Variants in ATG16L2 observed in about 807,000 individuals in gnomAD.
ATG16L2 encodes the protein protein Atg16l2.
In ATG16L2, 77 loss-of-function variants were observed where a neutral mutation model predicts 84.7. The ratio of observed to expected loss-of-function variants is 0.91; its 90% CI spans 0.76 to 1.10. The LOEUF is 1.10. Ranked by LOEUF, ATG16L2 falls within the 50% of genes least tolerant of loss-of-function variation. ATG16L2 has a pLI of 0.00. For synonymous variants in ATG16L2, 361 were observed against 342.8 expected (o/e 1.05, Z -0.59); for missense variants, 782 against 817.6 (o/e 0.96, Z 0.53).
At chr11:72,842,684 C>T (rs1860999850) in exon 6 of ATG16L2, 2 of 1,613,970 alleles carry the variant, frequency 1.2e-6, no homozygotes, top group Non-Finnish European at 1.7e-6. Context: ...CCACTAGCAC[C>T]GATGGGAAAA....
At chr11:72,843,688 G>A (rs1208002670), downstream of ATG16L2, 2 of 608,044 alleles carry the variant, frequency 3.3e-6, no homozygotes, top group Non-Finnish European at 5.8e-6. Context: ...TCATAATGAG[G>A]TGAAGTTTTA....
intron 5 of ATG16L2, chr11:72,838,517 G>A: frequency 4.0e-6 from 2 of 498,896 alleles, no homozygotes; most frequent in Non-Finnish European, 7.3e-6. Flanking sequence ...ACAGACCACT[G>A]TTAGGCATGA....
intron 14 of ATG16L2, 85 bp downstream of exon 14, chr11:72,827,378 G>C (rs1291474334): frequency 8.4e-7 from 1 of 1,189,464 alleles, no homozygotes; most frequent in African/African-American, 1.5e-5. Flanking sequence ...GCCATGGCAG[G>C]AGGAGTCTTG....
intron 1 of ATG16L2, among the ~76,000 whole-genome samples, chr11:72,815,441 T>A (rs769970369): frequency 6.6e-6 from 1 of 152,144 alleles, no homozygotes; most frequent in Non-Finnish European, 1.5e-5. Context: ...GCAGCCACAC[T>A]TCTCCACTGC....
chr11:72,824,003 G>A, intron 7 of ATG16L2, 57 bp from the exon 8 acceptor site: 2 of 1,591,884 alleles, frequency 1.3e-6, no homozygotes, highest in East Asian at 2.2e-5. Context: ...ATGATGGACA[G>A]CCATTTGTAC....
In ATG16L2 at chr11:72,822,423, C is replaced by G; in HGVS notation, c.645-55C>G. 1 of 1,610,408 alleles carries G rather than the reference C, an allele frequency of 6.2e-7. No homozygotes were observed. The highest frequency in any genetic ancestry group is 8.5e-7 in the Non-Finnish European group (1 of 1,178,222). ...CTGGAGGAAGGGACCGGGTCTAGCC[C>G]CGCCTGCGTGCGAGGCGCCGCGCCA... On this transcript the variant is annotated intron_variant, in intron 5 of 17. Transcript: ENST00000321297. The surrounding 1 kb of genome is among the most constrained non-coding windows in gnomAD (Gnocchi z 4.2).
chr11:72,829,651 T>A (rs570389066), downstream of ATG16L2: 1 of 1,266,272 alleles, frequency 7.9e-7, no homozygotes, highest in South Asian at 2.0e-5. Flanking sequence ...TCTGCCTACC[T>A]CTTTGCAGCA....
downstream of ATG16L2, among the ~76,000 whole-genome samples, chr11:72,830,750 AC>A (rs1860588926): frequency 6.6e-6 from 1 of 151,768 alleles, no homozygotes; most frequent in African/African-American, 2.4e-5. Context: ...TTTGGATGTG[AC>A]CCTGCTGGCC....
At chr11:72,819,890 C>T (rs1385899686) in intron 3 of ATG16L2, among the ~76,000 whole-genome samples, 6 of 151,982 alleles carry the variant, frequency 3.9e-5, no homozygotes, top group African/African-American at 7.2e-5. Context: ...GGACTACAGG[C>T]GCCCGCCACC....
At chr11:72,814,914 G>A (rs1859617690) in intron 1 of ATG16L2, among the ~76,000 whole-genome samples, 1 of 152,206 alleles carries the variant, frequency 6.6e-6, no homozygotes, top group Admixed American at 6.5e-5. Context: ...CTTGATCAGT[G>A]CACTTAGTCT....
chr11:72,831,242 C>T (rs1321080176), downstream of ATG16L2, among the ~76,000 whole-genome samples: 1 of 152,204 alleles, frequency 6.6e-6, no homozygotes, highest in African/African-American at 2.4e-5. Context: ...TGCGGTGGCT[C>T]ACGCCTGTAA....
At position 72,822,183 on chromosome 11, in the gene ATG16L2, G is replaced by T; in HGVS notation, c.532G>T (p.Glu178Ter). 1 of 1,499,610 alleles carries T rather than the reference G, an allele frequency of 6.7e-7. No homozygotes were observed. The highest frequency in any genetic ancestry group is 8.8e-7 in the Non-Finnish European group (1 of 1,134,326). 92.9% of individuals were successfully genotyped at this position (1,499,610 alleles called of 1,614,324 possible). ...EALRAHVGLR[E>*]AALRRLQEEA... Reference sequence around the variant, plus strand: ...GCTGCGCGCGCACGTCGGGCTCCGGGAGGCGGCACTGCGCAGGCTCCAGGA... The same window carrying T: ...GCTGCGCGCGCACGTCGGGCTCCGGTAGGCGGCACTGCGCAGGCTCCAGGA... Residue 178 changes from glutamate (E) to a stop codon, truncating the protein, a stop_gained, in exon 5 of 18, where the codon GAG becomes TAG. Coordinates refer to ENST00000321297, the MANE Select transcript of ATG16L2 (RefSeq NM_033388.2). LOFTEE classifies it high-confidence loss of function. The surrounding 1 kb of genome is among the most constrained non-coding windows in gnomAD (Gnocchi z 4.2).
chr11:72,831,885 T>C (rs541579422), downstream of ATG16L2, among the ~76,000 whole-genome samples: 10 of 152,352 alleles, frequency 6.6e-5, 2 homozygotes, highest in African/African-American at 2.4e-4. Context: ...CACATACTCT[T>C]TTTAAAGCAA....
At position 72,828,506 on chromosome 11, in the gene ATG16L2, C is replaced by T. The variant is rs545028664; in HGVS notation, c.1620C>T (p.Phe540=). 1 of 1,614,186 alleles carries T rather than the reference C, an allele frequency of 6.2e-7. No individual in the cohort carries two copies. The highest frequency in any genetic ancestry group is 8.5e-7 in the Non-Finnish European group (1 of 1,180,042). Reference sequence around the variant, plus strand: ...GTGTCAGCAACATCCGCCAGGTGTTCAGGTACCAGCCTCATGCCTGCTGAC... The same window carrying T: ...GTGTCAGCAACATCCGCCAGGTGTTTAGGTACCAGCCTCATGCCTGCTGAC... The part of the protein sequence containing the change: ...DLRVSNIRQV[F]RADGFKCGSD... Residue 540 remains phenylalanine (F), a splice_region_variant and synonymous_variant, in exon 15 of 18, where the codon TTC becomes TTT. Transcript: ENST00000321297.
rs780267490 is a variant in ATG16L2, at chr11:72,825,368, G to A, written c.1063G>A (p.Gly355Arg). 6.8e-6 allele frequency: 11 copies of A among 1,613,302 alleles called. No individual in the cohort carries two copies. The highest frequency in any genetic ancestry group is 9.3e-6 in the Non-Finnish European group (11 of 1,179,986). ...CAACAGCAGCCTCCTGGCCACTGGA[G>A]GGGCTGACCGCCTGATCCACCTCTG... ...GPNSSLLATG[G>R]ADRLIHLWNV... is the part of the protein sequence containing the mutation. Residue 355 changes from glycine to arginine, a missense_variant, in exon 10 of 18, where the codon GGG becomes AGG. By Grantham distance (125) the Gly-to-Arg change is moderately radical (BLOSUM62 -2). Coordinates refer to ENST00000321297, the MANE Select transcript of ATG16L2 (RefSeq NM_033388.2).
chr11:72,830,297 C>T (rs1860578169), downstream of ATG16L2, among the ~76,000 whole-genome samples: 1 of 152,182 alleles, frequency 6.6e-6, no homozygotes, highest in Admixed American at 6.5e-5. Context: ...AGACCACTCA[C>T]TACTTTTGGT....
chr11:72,834,784 T>G (rs964326940), intron 5 of ATG16L2, among the ~76,000 whole-genome samples: 10 of 152,234 alleles, frequency 6.6e-5, no homozygotes, highest in African/African-American at 1.9e-4. Flanking sequence ...GGGTTTCCAT[T>G]ATGTTGGTCA....
chr11:72,829,591 A>ATCTC lies in ATG16L2; in HGVS notation c.*202_*205dup, dbSNP rs1860559162. 2.2e-6 allele frequency: 3 copies of ATCTC among 1,378,376 alleles called. No individual in the cohort carries two copies. Among genetic ancestry groups the ATCTC allele is most frequent in the Non-Finnish European group, 2.8e-6 (3 of 1,066,450 alleles). 85.4% of individuals were successfully genotyped at this position (1,378,376 alleles called of 1,614,324 possible). A position where few individuals can be genotyped will look rare whatever the true frequency, so the allele number is the denominator to read the frequency against. On this transcript the variant is annotated 3_prime_UTR_variant, in exon 18 of 18. Coordinates refer to ENST00000321297, the MANE Select transcript of ATG16L2 (RefSeq NM_033388.2). ...AGTTTTTCTTTGTATTTTTATCTCT[A>ATCTC]TCTCCTCACTTTTTCTCCCAAAGTA...
intron 1 of ATG16L2, among the ~76,000 whole-genome samples, chr11:72,815,662 C>T (rs763269890): frequency 1.3e-5 from 2 of 152,190 alleles, no homozygotes; most frequent in Non-Finnish European, 2.9e-5. Context: ...TAGAGACCTT[C>T]TTTAGGTTTG....
Sources: allele counts gnomAD v4.1 joint callset (sites outside exome capture counted in the v4.1 genomes callset), GRCh38; gene constraint gnomAD v4.1.1; non-coding constraint Gnocchi (gnomAD v3.1); transcripts MANE v1.5; gene names NCBI Gene and HGNC (gene_info 2026-07-23, HGNC 2026-07-21).